SLC9A9: variants seen among roughly 807,000 people sequenced by gnomAD.
The protein encoded by SLC9A9 is sodium/hydrogen exchanger 9.
Under a neutral mutation model 77.8 loss-of-function variants are expected in SLC9A9, and 62 were observed. The observed-to-expected ratio is 0.80, with a 90% confidence interval of 0.65 to 0.98. SLC9A9 has a LOEUF of 0.98. Ranked by LOEUF, SLC9A9 falls within the 50% of genes least tolerant of loss-of-function variation. The probability of loss-of-function intolerance (pLI) is 0.00; values close to 1 mark genes in which losing one functional copy is unlikely to be tolerated. For synonymous variants in SLC9A9, 320 were observed against 283.5 expected (o/e 1.13, Z -1.29); for missense variants, 775 against 774.9 (o/e 1.00, Z 0.00).
At chr3:143,269,078 T>C in intron 14 of SLC9A9, 98 bp from the exon 15 acceptor site, 1 of 888,542 alleles carries the variant, frequency 1.1e-6, no homozygotes, top group Non-Finnish European at 1.9e-6. Flanking sequence ...TACGTTTGCC[T>C]TTAAATCCCC....
chr3:143,494,111 G>T (rs548856105), intron 10 of SLC9A9, among the ~76,000 whole-genome samples: 3 of 152,106 alleles, frequency 2.0e-5, no homozygotes, highest in Non-Finnish European at 4.4e-5. Context: ...AGATGCTGTG[G>T]CATTATCTTC....
chr3:143,526,833 A>G (rs1366933615), intron 9 of SLC9A9, among the ~76,000 whole-genome samples: 1 of 152,218 alleles, frequency 6.6e-6, no homozygotes, highest in Admixed American at 6.5e-5. Flanking sequence ...GAAGTTAGCA[A>G]GCATAAAAGG....
chr3:143,571,004 T>A (rs1420246888), intron 8 of SLC9A9, among the ~76,000 whole-genome samples: 1 of 152,210 alleles, frequency 6.6e-6, no homozygotes, highest in Non-Finnish European at 1.5e-5. Context: ...GCAGAACATT[T>A]TTTTTCAAAT....
At chr3:143,515,434 T>C (rs149602391) in intron 9 of SLC9A9, among the ~76,000 whole-genome samples, 2 of 152,280 alleles carry the variant, frequency 1.3e-5, no homozygotes, top group East Asian at 3.9e-4. Context: ...GCAGTATCTG[T>C]AAAGCACAAT....
chr3:143,779,379 G>A (rs2007798482), intron 4 of SLC9A9, among the ~76,000 whole-genome samples: 1 of 151,980 alleles, frequency 6.6e-6, no homozygotes, highest in African/African-American at 2.4e-5. Flanking sequence ...TTTTTTGTTT[G>A]TTTGTTTTTT....
chr3:143,539,570 T>C (rs572744299), intron 9 of SLC9A9, among the ~76,000 whole-genome samples: 41 of 152,310 alleles, frequency 2.7e-4, no homozygotes, highest in Admixed American at 1.4e-3. Flanking sequence ...TTTATCATTC[T>C]AAAATGCCAT....
intron 9 of SLC9A9, among the ~76,000 whole-genome samples, chr3:143,521,191 A>C (rs929380407): frequency 1.3e-5 from 2 of 152,188 alleles, no homozygotes; most frequent in African/African-American, 4.8e-5. Context: ...TAAACAATTT[A>C]TGATTTTTGT....
chr3:143,503,838 C>T (rs144316526), intron 9 of SLC9A9: 27 of 342,638 alleles, frequency 7.9e-5, no homozygotes, highest in Non-Finnish European at 1.4e-4. Context: ...TTGCTGATGA[C>T]TGTGAAGTTG....
chr3:143,720,571 T>G (rs187401820), intron 4 of SLC9A9, among the ~76,000 whole-genome samples: 1 of 152,342 alleles, frequency 6.6e-6, no homozygotes, highest in African/African-American at 2.4e-5. Flanking sequence ...CAAGCTTTCT[T>G]CCCAGTATAA....
chr3:143,285,842 G>A (rs1310854985), intron 14 of SLC9A9, among the ~76,000 whole-genome samples: 1 of 152,178 alleles, frequency 6.6e-6, no homozygotes, highest in East Asian at 1.9e-4. Context: ...TGTCCAGGTT[G>A]TTTTAAGGAA....
chr3:143,331,137 A>G (rs1029071511), intron 14 of SLC9A9, among the ~76,000 whole-genome samples: 2 of 152,340 alleles, frequency 1.3e-5, no homozygotes, highest in Admixed American at 1.3e-4. Flanking sequence ...TTAACTGATT[A>G]GAGACAATCC....
At chr3:143,477,381 G>T (rs987965424) in intron 11 of SLC9A9, among the ~76,000 whole-genome samples, 4 of 27,082 alleles carry the variant, frequency 1.5e-4, no homozygotes, top group Non-Finnish European at 3.1e-4. Flanking sequence ...CCGCCACCCA[G>T]ATTTCAGGGC....
chr3:143,385,020 A>T (rs1358852455), intron 12 of SLC9A9, among the ~76,000 whole-genome samples: 1 of 152,150 alleles, frequency 6.6e-6, no homozygotes, highest in Admixed American at 6.5e-5. Context: ...GGATATTCTA[A>T]TCTTAACTGG....
chr3:143,628,130 G>A (rs1429815818), intron 6 of SLC9A9, among the ~76,000 whole-genome samples: 1 of 152,204 alleles, frequency 6.6e-6, no homozygotes, highest in Non-Finnish European at 1.5e-5. Context: ...TAGAATGTGA[G>A]CAACTGGGGA....
At chr3:143,448,520 T>A (rs1349826181) in intron 12 of SLC9A9, among the ~76,000 whole-genome samples, 3 of 152,044 alleles carry the variant, frequency 2.0e-5, no homozygotes, top group Non-Finnish European at 4.4e-5. Flanking sequence ...CTCAAAAGCA[T>A]GCAATTATCA....
At chr3:143,348,597 C>G (rs1394315227) in intron 14 of SLC9A9, among the ~76,000 whole-genome samples, 1 of 152,080 alleles carries the variant, frequency 6.6e-6, no homozygotes, top group Non-Finnish European at 1.5e-5. Context: ...AATGTATACT[C>G]CTTTTTTAAG....
At chr3:143,548,472 C>T (rs924447686) in intron 9 of SLC9A9, among the ~76,000 whole-genome samples, 1 of 152,096 alleles carries the variant, frequency 6.6e-6, no homozygotes, top group Non-Finnish European at 1.5e-5. Flanking sequence ...GCTCAGCTCC[C>T]AGGGAAAGAG....
At chr3:143,478,334 C>G (rs1171650100) in intron 11 of SLC9A9, among the ~76,000 whole-genome samples, 1 of 152,186 alleles carries the variant, frequency 6.6e-6, no homozygotes, top group African/African-American at 2.4e-5. Context: ...CCAGGTTCCT[C>G]TAAAAGGAGG....
At chr3:143,744,993 C>T (rs771535338) in intron 4 of SLC9A9, among the ~76,000 whole-genome samples, 6 of 152,178 alleles carry the variant, frequency 3.9e-5, no homozygotes, top group Admixed American at 1.3e-4. Flanking sequence ...GGCCAATTAA[C>T]GCGCATTTGT....
Sources: allele counts gnomAD v4.1 joint callset (sites outside exome capture counted in the v4.1 genomes callset), GRCh38; gene constraint gnomAD v4.1.1; transcripts MANE v1.5; gene names NCBI Gene and HGNC (gene_info 2026-07-23, HGNC 2026-07-21).